GRID2: variants seen among roughly 807,000 people sequenced by gnomAD.
GRID2 encodes the protein glutamate receptor ionotropic, delta-2.
In GRID2, 33 loss-of-function variants were observed where a neutral mutation model predicts 114.8. That is an observed-to-expected ratio of 0.29 (90% confidence interval 0.22 to 0.38). The LOEUF is 0.38. Ranked by LOEUF, GRID2 falls within the 10% of genes least tolerant of loss-of-function variation. The pLI is 1.00. For missense variants in GRID2, 1,184 were observed against 1,257.7 expected (o/e 0.94, Z 0.89); for synonymous variants, 505 against 449.9 (o/e 1.12, Z -1.55).
chr4:93,354,359 TG>T (rs1458852431), intron 8 of GRID2, among the ~76,000 whole-genome samples: 1 of 152,006 alleles, frequency 6.6e-6, no homozygotes, highest in East Asian at 1.9e-4. Context: ...GACTAATTAT[TG>T]AGAAATAAAG....
chr4:93,493,842 T>G (rs1727269145), intron 12 of GRID2, among the ~76,000 whole-genome samples: 1 of 151,854 alleles, frequency 6.6e-6, no homozygotes, highest in African/African-American at 2.4e-5. Flanking sequence ...ATTCATTTTT[T>G]TAAAAAATCA....
chr4:92,412,869 C>G (rs12171381), intron 1 of GRID2, among the ~76,000 whole-genome samples: 1 of 152,162 alleles, frequency 6.6e-6, no homozygotes, highest in Non-Finnish European at 1.5e-5. Context: ...AGAACACATC[C>G]TATGTGACCT....
chr4:93,403,274 T>C (rs760382218), intron 9 of GRID2, among the ~76,000 whole-genome samples: 1 of 152,182 alleles, frequency 6.6e-6, no homozygotes, highest in African/African-American at 2.4e-5. Context: ...CATGTAATAA[T>C]CCTACAATGG....
intron 10 of GRID2, among the ~76,000 whole-genome samples, chr4:93,449,239 G>A (rs1722450212): frequency 1.3e-5 from 2 of 151,956 alleles, no homozygotes; most frequent in South Asian, 4.1e-4. Flanking sequence ...CCTAGTACTT[G>A]TGAAATGTGT....
chr4:93,056,814 C>T (rs1727291630), intron 2 of GRID2, among the ~76,000 whole-genome samples: 1 of 151,888 alleles, frequency 6.6e-6, no homozygotes, highest in Non-Finnish European at 1.5e-5. Context: ...TGCTTAGCTA[C>T]TGAATCTTGC....
chr4:93,329,180 G>C (rs188012155), intron 8 of GRID2, among the ~76,000 whole-genome samples: 2 of 152,042 alleles, frequency 1.3e-5, no homozygotes, highest in African/African-American at 4.8e-5. Context: ...AACTAGTCAG[G>C]AATCTGAAAA....
At chr4:92,496,243 C>A (rs1468115224) in intron 1 of GRID2, among the ~76,000 whole-genome samples, 1 of 151,832 alleles carries the variant, frequency 6.6e-6, no homozygotes, top group East Asian at 1.9e-4. Context: ...TATATGTACA[C>A]ACTCTCCTTT....
chr4:92,802,126 A>G (rs962332577), intron 2 of GRID2, among the ~76,000 whole-genome samples: 9 of 151,924 alleles, frequency 5.9e-5, no homozygotes, highest in East Asian at 1.9e-4. Context: ...TTTAAAATAC[A>G]TATACAATAT....
At chr4:93,079,947 C>A (rs1476497446) in intron 2 of GRID2, among the ~76,000 whole-genome samples, 8 of 151,978 alleles carry the variant, frequency 5.3e-5, no homozygotes, top group Non-Finnish European at 1.2e-4. Flanking sequence ...ATTTTCACTT[C>A]CTAAGTAGAT....
chr4:93,219,996 G>C (rs114790782), intron 6 of GRID2, among the ~76,000 whole-genome samples: 4 of 152,024 alleles, frequency 2.6e-5, no homozygotes. Context: ...CAGCAGGAAC[G>C]ATCAAAATAT....
chr4:93,213,649 T>C lies in GRID2; in HGVS notation c.790-3089T>C, dbSNP rs368467288. On this transcript the variant is annotated intron_variant, in intron 5 of 15. Coordinates refer to ENST00000282020, the MANE Select transcript of GRID2 (RefSeq NM_001510.4). ...AAATTGGCATCTGATCCAATGGATT[T>C]TGAGAGTCTTTTCTTCCCACAATCT... is the stretch of plus-strand genomic sequence containing the variant. Among the ~76,000 whole-genome samples, 44 of 152,258 alleles carry C rather than the reference T, an allele frequency of 2.9e-4. No homozygotes were observed. In the East Asian group the frequency reaches 2.9e-3, roughly 10 times the overall value.
chr4:92,993,036 T>C (rs912894493), intron 2 of GRID2, among the ~76,000 whole-genome samples: 6 of 152,150 alleles, frequency 3.9e-5, no homozygotes, highest in Admixed American at 3.9e-4. Flanking sequence ...ATAATCAATA[T>C]GCTCAGGTTG....
chr4:92,919,374 T>C (rs2149501582), intron 2 of GRID2, among the ~76,000 whole-genome samples: 1 of 152,324 alleles, frequency 6.6e-6, no homozygotes, highest in Non-Finnish European at 1.5e-5. Flanking sequence ...CTGATCTTAG[T>C]TATTTCTTGC....
At chr4:93,095,177 CA>C (rs1731095414) in intron 3 of GRID2, among the ~76,000 whole-genome samples, 1 of 151,652 alleles carries the variant, frequency 6.6e-6, no homozygotes, top group Non-Finnish European at 1.5e-5. Context: ...GCAGAATGTG[CA>C]GGTTTGTTAC....
chr4:93,281,329 G>C (rs1186308077), intron 8 of GRID2, among the ~76,000 whole-genome samples: 1 of 151,898 alleles, frequency 6.6e-6, no homozygotes, highest in Non-Finnish European at 1.5e-5. Context: ...AAGTGTCCTT[G>C]AGTAACGAAG....
At chr4:92,958,777 C>G (rs924730717) in intron 2 of GRID2, among the ~76,000 whole-genome samples, 1 of 152,016 alleles carries the variant, frequency 6.6e-6, no homozygotes, top group East Asian at 1.9e-4. Context: ...TGGTAGAATT[C>G]ATGAGTGAAC....
intron 1 of GRID2, among the ~76,000 whole-genome samples, chr4:92,352,945 GT>G (rs1212029630): frequency 2.0e-5 from 3 of 151,554 alleles, no homozygotes; most frequent in Non-Finnish European, 4.4e-5. Flanking sequence ...TTGGCTAAAG[GT>G]TTTTGTTATT....
chr4:93,729,132 A>G (rs935145823), intron 14 of GRID2, among the ~76,000 whole-genome samples: 1 of 152,120 alleles, frequency 6.6e-6, no homozygotes, highest in Non-Finnish European at 1.5e-5. Context: ...TCCTGACCTC[A>G]TGATCCGCCC....
chr4:92,695,256 G>A (rs1439007500), intron 2 of GRID2, among the ~76,000 whole-genome samples: 10 of 152,098 alleles, frequency 6.6e-5, no homozygotes, highest in South Asian at 4.2e-4. Flanking sequence ...GTAAGCCACC[G>A]TGCCTGGCCA....
Sources: allele counts gnomAD v4.1 joint callset (sites outside exome capture counted in the v4.1 genomes callset), GRCh38; gene constraint gnomAD v4.1.1; transcripts MANE v1.5; gene names NCBI Gene and HGNC (gene_info 2026-07-23, HGNC 2026-07-21).